BCL2L14: variants seen among roughly 807,000 people sequenced by gnomAD.
BCL2L14 encodes the protein BCL2 like 14, also known as apoptosis facilitator Bcl-2-like protein 14.
In BCL2L14, 27 loss-of-function variants were observed where a neutral mutation model predicts 35.3. That is an observed-to-expected ratio of 0.76 (90% CI 0.56 to 1.05). The LOEUF (loss-of-function observed/expected upper bound fraction) is 1.05, where lower values mean the gene tolerates loss of function less well. BCL2L14 is among the 50% of genes least tolerant of loss of function. The pLI, the probability that BCL2L14 is intolerant of heterozygous loss-of-function variation, is 0.00. For synonymous variants in BCL2L14, 139 were observed against 145.9 expected, an observed-to-expected ratio of 0.95 and a Z score of 0.34; for missense variants, 377 against 382.6, an observed-to-expected ratio of 0.99 and a Z score of 0.12.
At chr12:12,065,173 C>T (rs1409984013) in intron 2 of BCL2L14, among the ~76,000 whole-genome samples, 2 of 152,106 alleles carry the variant, frequency 1.3e-5, no homozygotes, top group Non-Finnish European at 2.9e-5. Context: ...TGATGAGTGA[C>T]TCAAAGGAGT....
intron 2 of BCL2L14, among the ~76,000 whole-genome samples, chr12:12,084,900 T>C (rs1949008777): frequency 6.6e-6 from 1 of 151,600 alleles, no homozygotes; most frequent in South Asian, 2.1e-4. Context: ...GGCAAAACCC[T>C]GTCTCTACTG....
At chr12:12,065,553 A>G (rs1270188074) in intron 2 of BCL2L14, among the ~76,000 whole-genome samples, 2 of 149,442 alleles carry the variant, frequency 1.3e-5, no homozygotes, top group Non-Finnish European at 3.0e-5. Context: ...AAAAAAAAGA[A>G]GAAGAAGTGA....
In BCL2L14 at chr12:12,087,248, G is replaced by A; in HGVS notation, c.469G>A (p.Val157Ile). 1.9e-6 allele frequency: 3 copies of A among 1,614,202 alleles called. No individual in the cohort carries two copies. The highest frequency in any genetic ancestry group is 1.1e-5 in the South Asian group (1 of 91,076). Reference sequence around the variant, plus strand: ...CAAAGTCATTTCCATTGCCAACCGAGTAGCTGAAATTGTTTACTCCTGGCC... The same window carrying A: ...CAAAGTCATTTCCATTGCCAACCGAATAGCTGAAATTGTTTACTCCTGGCC... ...DPKVISIANR[V>I]AEIVYSWPPP... Residue 157 changes from valine to isoleucine, a missense_variant, in exon 3 of 6, where the codon GTA becomes ATA. Physicochemically the swap from Val to Ile is conservative, Grantham distance 29. Transcript: ENST00000308721.
In BCL2L14 at chr12:12,099,314, G is replaced by A; in HGVS notation, c.*326G>A. On this transcript the variant is annotated 3_prime_UTR_variant, in exon 6 of 6. Coordinates refer to ENST00000308721, the MANE Select transcript of BCL2L14 (RefSeq NM_138723.2). ...CTTTGTTAGCTGCTGTAGGGAAAGT[G>A]CGTTACAGATGTCTGCTGACCTCAC... 1 of 314,494 alleles carries A rather than the reference G, an allele frequency of 3.2e-6. No individual in the cohort carries two copies. The highest frequency in any genetic ancestry group is 5.9e-6 in the Non-Finnish European group (1 of 170,296). 19.5% of individuals were successfully genotyped at this position (314,494 alleles called of 1,614,324 possible). A position where few individuals can be genotyped will look rare whatever the true frequency, so the allele number is the denominator to read the frequency against.
chr12:12,094,176 T>C (rs969068194), intron 4 of BCL2L14, among the ~76,000 whole-genome samples: 1 of 151,914 alleles, frequency 6.6e-6, no homozygotes, highest in Admixed American at 6.6e-5. Context: ...AGTTTAGAGA[T>C]GACAAACTGA....
intron 5 of BCL2L14, among the ~76,000 whole-genome samples, chr12:12,096,909 C>T (rs530131475): frequency 6.6e-6 from 1 of 152,100 alleles, no homozygotes; most frequent in African/African-American, 2.4e-5. Flanking sequence ...TTTGGGAGGC[C>T]GAGGCGGGTG....
intron 3 of BCL2L14, among the ~76,000 whole-genome samples, chr12:12,088,490 G>C (rs987650210): frequency 6.6e-6 from 1 of 152,146 alleles, no homozygotes; most frequent in African/African-American, 2.4e-5. Context: ...CTAGTCCCAG[G>C]TGGCCTTTTC....
At position 12,099,041 on chromosome 12, in the gene BCL2L14, G is replaced by A. The variant is rs1051251781; in HGVS notation, c.*53G>A. ...CTTTGTCTACTGTGGTCCTGTGCAC[G>A]TTGGCCTCAGATGGACTACAGGAGA... On this transcript the variant is annotated 3_prime_UTR_variant, in exon 6 of 6. Transcript: ENST00000308721. 5.1e-6 allele frequency: 7 copies of A among 1,367,256 alleles called. No homozygotes were observed. Among genetic ancestry groups the A allele is most frequent in the East Asian group, 2.3e-5 (1 of 43,730 alleles). 84.7% of individuals were successfully genotyped at this position (1,367,256 alleles called of 1,614,324 possible).
intron 5 of BCL2L14, among the ~76,000 whole-genome samples, chr12:12,097,119 T>TGGGA (rs1949331144): frequency 6.6e-6 from 1 of 152,100 alleles, no homozygotes; most frequent in Admixed American, 6.6e-5. Context: ...CACTCCAGCC[T>TGGGA]GGGAGAGAGA....
At chr12:12,068,015 C>T, upstream of BCL2L14, 1 of 390,844 alleles carries the variant, frequency 2.6e-6, no homozygotes. Context: ...TCATTGCAGC[C>T]TCAAGCCCCC....
chr12:12,075,196 C>T (rs955973058), intron 1 of BCL2L14, among the ~76,000 whole-genome samples: 3 of 152,028 alleles, frequency 2.0e-5, no homozygotes, highest in Admixed American at 1.3e-4. Flanking sequence ...GATCCCCGCT[C>T]ACTGCAACCT....
At chr12:12,087,701 A>G (rs770644040) in intron 3 of BCL2L14, among the ~76,000 whole-genome samples, 2 of 152,238 alleles carry the variant, frequency 1.3e-5, no homozygotes, top group Non-Finnish European at 2.9e-5. Context: ...AGATCTGATC[A>G]TGTTACCAGT....
intron 4 of BCL2L14, among the ~76,000 whole-genome samples, chr12:12,093,815 GA>G (rs1434794552): frequency 4.7e-5 from 6 of 126,876 alleles, no homozygotes; most frequent in Non-Finnish European, 8.7e-5. Flanking sequence ...AAGAAAGAAA[GA>G]AAAGAAAAGA....
chr12:12,076,712 G>A (rs1445834524), intron 1 of BCL2L14, among the ~76,000 whole-genome samples: 1 of 152,072 alleles, frequency 6.6e-6, no homozygotes, highest in Non-Finnish European at 1.5e-5. Flanking sequence ...TTGCTTTCCT[G>A]GGGCCTGGCC....
intron 1 of BCL2L14, among the ~76,000 whole-genome samples, chr12:12,075,855 G>A (rs2136739798): frequency 6.6e-6 from 1 of 152,054 alleles, no homozygotes; most frequent in South Asian, 2.1e-4. Flanking sequence ...TTGGATAGCT[G>A]CCTTCTTGTG....
rs1206543093 is a variant in BCL2L14 at position 12,073,568 on chromosome 12, ACATGCACACGCACACACAAACATG to A, written c.-8+2439_-8+2462del. ...AATACTCCCCCCGCCACACACACAC[ACATGCACACGCACACACAAACATG>A]CATGCACGCGCACACACACACACAA... is the stretch of plus-strand genomic sequence containing the variant. On this transcript the variant is annotated intron_variant, in intron 1 of 5. Transcript: ENST00000308721. Among the ~76,000 whole-genome samples, 9 of 152,180 alleles carry A rather than the reference ACATGCACACGCACACACAAACATG, an allele frequency of 5.9e-5. No homozygotes were observed. In the East Asian group the frequency reaches 1.4e-3, roughly 23 times the overall value.
At chr12:12,069,387 G>A (rs539409632), upstream of BCL2L14, among the ~76,000 whole-genome samples, 592 of 151,956 alleles carry the variant, frequency 3.9e-3, 13 homozygotes, top group Non-Finnish European at 2.9e-3. Context: ...ATATCTCATC[G>A]TCTCCCCCCA....
chr12:12,097,005 A>G (rs146737167), intron 5 of BCL2L14, among the ~76,000 whole-genome samples: 1,926 of 152,246 alleles, frequency 0.013, 39 homozygotes, highest in African/African-American at 0.044. Context: ...TTAGCCGGGC[A>G]TGGTGGCAGG....
At chr12:12,075,003 A>G (rs1007528786) in intron 1 of BCL2L14, among the ~76,000 whole-genome samples, 1 of 152,088 alleles carries the variant, frequency 6.6e-6, no homozygotes, top group African/African-American at 2.4e-5. Flanking sequence ...TTAGTTCTCT[A>G]TCATCTCAAA....
Sources: allele counts gnomAD v4.1 joint callset (sites outside exome capture counted in the v4.1 genomes callset), GRCh38; gene constraint gnomAD v4.1.1; transcripts MANE v1.5; gene names NCBI Gene and HGNC (gene_info 2026-07-23, HGNC 2026-07-21).